The following RMND1 variants were observed in gnomAD, a reference collection of about 807,000 sequenced individuals.
The protein encoded by RMND1 is required for meiotic nuclear division 1 homolog, also known as required for meiotic nuclear division protein 1 homolog.
A neutral mutation model predicts 54.0 loss-of-function variants in RMND1; 41 were observed. The ratio of observed to expected loss-of-function variants is 0.76; its 90% confidence interval spans 0.59 to 0.98. RMND1 has a LOEUF of 0.98. RMND1 is among the 50% of genes least tolerant of loss of function. The pLI, the probability that RMND1 is intolerant of heterozygous loss-of-function variation, is 0.00. For synonymous variants in RMND1, 183 were observed against 181.7 expected (o/e 1.01, Z -0.06); for missense variants, 457 against 532.0 (o/e 0.86, Z 1.39).
At chr6:151,412,885 G>C (rs540322574) in intron 10 of RMND1, among the ~76,000 whole-genome samples, 5 of 152,138 alleles carry the variant, frequency 3.3e-5, no homozygotes, top group Non-Finnish European at 5.9e-5. Context: ...CCACTCATGA[G>C]AAATCTACCC....
At chr6:151,439,879 CAAA>C (rs1780724353) in intron 2 of RMND1, among the ~76,000 whole-genome samples, 1 of 152,136 alleles carries the variant, frequency 6.6e-6, no homozygotes, top group Admixed American at 6.5e-5. Context: ...AGGCTGGCCT[CAAA>C]CTCCCGACCT....
rs569732367 is a variant in RMND1, at chr6:151,405,672, T to G, written c.1317+48A>C. 2.8e-4 allele frequency: 263 copies of G among 923,224 alleles called. 3 individuals carry two copies. In the South Asian group the frequency reaches 3.3e-3, roughly 12 times the overall value. The allele number at this position is 923,224 out of a possible 1,614,324, so 57.2% of individuals were successfully genotyped here. A position where few individuals can be genotyped will look rare whatever the true frequency, so the allele number is the denominator to read the frequency against. On this transcript the variant is annotated intron_variant, in intron 11 of 11. Transcript: ENST00000444024. ...TATCTTATTAGCATAGCCCCTGTAT[T>G]TGTGAAAAGATGGTAACTGATCATA...
chr6:151,406,424 G>A (rs1470264084), intron 10 of RMND1, among the ~76,000 whole-genome samples: 2 of 151,978 alleles, frequency 1.3e-5, no homozygotes, highest in Non-Finnish European at 2.9e-5. Flanking sequence ...GTGTAATGGC[G>A]GATCTCGGCT....
At chr6:151,407,213 C>T (rs374893790) in intron 10 of RMND1, among the ~76,000 whole-genome samples, 4 of 152,308 alleles carry the variant, frequency 2.6e-5, no homozygotes, top group African/African-American at 9.6e-5. Context: ...CACACTCCAC[C>T]ATTTGCCCCT....
chr6:151,424,495 A>C (rs993343687), intron 6 of RMND1, among the ~76,000 whole-genome samples: 2 of 151,958 alleles, frequency 1.3e-5, no homozygotes, highest in Non-Finnish European at 2.9e-5. Context: ...GTTTAAGAGT[A>C]AAAAATTAGG....
In RMND1 at chr6:151,450,577, T is replaced by TGG. The variant is rs555121094; in HGVS notation, c.-15+1437_-15+1438dup. Among the ~76,000 whole-genome samples the TGG allele has an allele frequency of 6.7e-3, 749 of 111,652 alleles. 6 individuals are homozygous for TGG. Among genetic ancestry groups the TGG allele is most frequent in the African/African-American group, 0.025 (706 of 27,874 alleles). 73.2% of individuals were successfully genotyped at this position (111,652 alleles called of 152,430 possible). ...CCAGCCGCCCCGTCCGGGAGGGAGG[T>TGG]GGGGGGGTCAGCCCCCCGCCCGGCC... On this transcript the variant is annotated intron_variant, in intron 1 of 11. Coordinates refer to ENST00000444024, the MANE Select transcript of RMND1 (RefSeq NM_017909.4).
chr6:151,437,299 T>G (rs765092924), intron 2 of RMND1, among the ~76,000 whole-genome samples: 1 of 152,250 alleles, frequency 6.6e-6, no homozygotes, highest in Non-Finnish European at 1.5e-5. Flanking sequence ...CAGTGCATTA[T>G]TCACAGGAAA....
Position 151,445,396 on chromosome 6 carries a change from T to C in RMND1, c.416A>G (p.Gln139Arg), listed in dbSNP as rs1780923859. The C allele has an allele frequency of 3.1e-6, 5 of 1,614,032 alleles. No individual in the cohort carries two copies. In the South Asian group the frequency reaches 4.4e-5, roughly 14 times the overall value. ...SVSTETFVPK[Q>R]DFPQVKRPLK... ...TGGTCTCTTCACCTGTGGGAAGTCT[T>C]GTTTTGGAACAAATGTTTCCGTTGA... Residue 139 changes from glutamine (Q) to arginine (R), a missense_variant, in exon 2 of 12, where the codon CAA (glutamine) becomes CGA (arginine). Coordinates refer to ENST00000444024, the MANE Select transcript of RMND1 (RefSeq NM_017909.4).
chr6:151,450,193 T>A, intron 1 of RMND1, among the ~76,000 whole-genome samples: 1 of 142,530 alleles, frequency 7.0e-6, no homozygotes, highest in Non-Finnish European at 1.5e-5. Flanking sequence ...CCATCCCATC[T>A]AGGAAGTGAG....
At chr6:151,430,198 A>C (rs775901714) in intron 4 of RMND1, 21 bp from the exon 5 acceptor site, 1 of 1,562,562 alleles carries the variant, frequency 6.4e-7, no homozygotes, top group Non-Finnish European at 8.8e-7. Context: ...AAAATAAAAG[A>C]AACAACTAAG....
chr6:151,450,772 G>T (rs1048472370), intron 1 of RMND1, among the ~76,000 whole-genome samples: 3 of 151,732 alleles, frequency 2.0e-5, no homozygotes, highest in Non-Finnish European at 4.4e-5. Flanking sequence ...GGGGAAAGGG[G>T]GGGAAAAGAT....
At chr6:151,449,009 G>C in intron 1 of RMND1, among the ~76,000 whole-genome samples, 1 of 143,472 alleles carries the variant, frequency 7.0e-6, no homozygotes, top group Non-Finnish European at 1.5e-5. Flanking sequence ...TCTGGGAGGC[G>C]GAGATTGCGC....
In RMND1 at chr6:151,450,804, T is replaced by G. The variant is rs559060648; in HGVS notation, c.-15+1212A>C. Among the ~76,000 whole-genome samples, 93 of 152,204 alleles carry G rather than the reference T, an allele frequency of 6.1e-4. 1 individual carries two copies. Among genetic ancestry groups the G allele is most frequent in the African/African-American group, 2.1e-3 (87 of 41,528 alleles). The stretch of plus-strand genomic sequence containing the variant: ...AGATTGAGAAATCGGATGGTTGCCG[T>G]GTCTGTGTAGAAAGAAGTAGACATG... On this transcript the variant is annotated intron_variant, in intron 1 of 11. Coordinates refer to ENST00000444024, the MANE Select transcript of RMND1 (RefSeq NM_017909.4).
At chr6:151,451,337 T>C (rs979128254) in intron 1 of RMND1, among the ~76,000 whole-genome samples, 2 of 152,230 alleles carry the variant, frequency 1.3e-5, no homozygotes, top group East Asian at 3.8e-4. Flanking sequence ...ACTCAGTTCT[T>C]ATCATGTGCC....
intron 10 of RMND1, among the ~76,000 whole-genome samples, chr6:151,410,154 A>G (rs987566371): frequency 6.7e-6 from 1 of 150,196 alleles, no homozygotes; most frequent in Non-Finnish European, 1.5e-5. Flanking sequence ...TCCCGGGTTC[A>G]CGCCATTCTC....
At chr6:151,422,211 G>C (rs1780169016) in intron 8 of RMND1, among the ~76,000 whole-genome samples, 1 of 152,148 alleles carries the variant, frequency 6.6e-6, no homozygotes, top group South Asian at 2.1e-4. Flanking sequence ...GGTTGCATCT[G>C]TACCGAACAT....
At chr6:151,442,074 C>T (rs892178994) in intron 2 of RMND1, among the ~76,000 whole-genome samples, 5 of 152,070 alleles carry the variant, frequency 3.3e-5, no homozygotes, top group Non-Finnish European at 7.4e-5. Context: ...AGGAAGAGGT[C>T]CCCATATATT....
chr6:151,426,272 A>G (rs1235262653), intron 6 of RMND1, among the ~76,000 whole-genome samples: 2 of 152,170 alleles, frequency 1.3e-5, no homozygotes, highest in Non-Finnish European at 2.9e-5. Context: ...AAGAACCTGC[A>G]AAGACTCATA....
intron 10 of RMND1, 138 bp downstream of exon 10, chr6:151,417,141 G>A: frequency 8.6e-6 from 8 of 926,426 alleles, no homozygotes; most frequent in South Asian, 3.6e-5. Flanking sequence ...TGAAGTGACT[G>A]TACAGAGGAC....
Sources: allele counts gnomAD v4.1 joint callset (sites outside exome capture counted in the v4.1 genomes callset), GRCh38; gene constraint gnomAD v4.1.1; transcripts MANE v1.5; gene names NCBI Gene and HGNC (gene_info 2026-07-23, HGNC 2026-07-21).